Variants in SLIT2 observed in about 807,000 individuals in gnomAD.
SLIT2 encodes slit homolog 2 protein.
A neutral mutation model predicts 185.7 loss-of-function variants in SLIT2; 41 were observed. The observed-to-expected ratio is 0.22, with a 90% CI of 0.17 to 0.29. SLIT2 has a LOEUF of 0.29. SLIT2 is among the 10% of genes least tolerant of loss of function. The pLI is 1.00. For missense variants in SLIT2, 1,571 were observed against 1,909.0 expected, an observed-to-expected ratio of 0.82 and a Z score of 3.30; for synonymous variants, 693 against 680.2, an observed-to-expected ratio of 1.02 and a Z score of -0.29.
chr4:20,608,051 A>G, intron 33 of SLIT2, among the ~76,000 whole-genome samples: 1 of 152,268 alleles, frequency 6.6e-6, no homozygotes, highest in Admixed American at 6.5e-5. Context: ...TTACTAAAAA[A>G]GATTCAGAAA....
intron 18 of SLIT2, among the ~76,000 whole-genome samples, chr4:20,537,861 T>C (rs1019546429): frequency 1.3e-5 from 2 of 152,324 alleles, no homozygotes; most frequent in African/African-American, 4.8e-5. Flanking sequence ...CAGCCAGTCA[T>C]TGAATTCCTT....
chr4:20,518,553 A>ATATG (rs1225486678), intron 11 of SLIT2, among the ~76,000 whole-genome samples: 16 of 24,582 alleles, frequency 6.5e-4, no homozygotes, highest in African/African-American at 1.7e-3. Context: ...TGCCCAGCCT[A>ATATG]TATGTATATA....
intron 4 of SLIT2, among the ~76,000 whole-genome samples, chr4:20,465,579 A>G (rs1037236776): frequency 6.6e-6 from 1 of 152,170 alleles, no homozygotes; most frequent in African/African-American, 2.4e-5. Context: ...CCTTAAGAGA[A>G]TAAGGAGGCT....
chr4:20,268,151 T>C (rs1282100931), intron 3 of SLIT2, among the ~76,000 whole-genome samples: 1 of 151,916 alleles, frequency 6.6e-6, no homozygotes, highest in African/African-American at 2.4e-5. Flanking sequence ...TTCTAAAACA[T>C]TTAAAACATT....
In SLIT2 at chr4:20,491,817, A is replaced by G; in HGVS notation, c.832A>G (p.Thr278Ala). 1 of 1,613,952 alleles carries G rather than the reference A, an allele frequency of 6.2e-7. No individual in the cohort carries two copies. Among genetic ancestry groups the G allele is most frequent in the South Asian group, 1.1e-5 (1 of 91,060 alleles). Residue 278 changes from threonine to alanine, a missense_variant, in exon 9 of 37, where the codon ACC becomes GCC. Coordinates refer to ENST00000504154, the MANE Select transcript of SLIT2 (RefSeq NM_004787.4). Reference protein sequence around the residue: ...CSVLHCPAACTCSNNIVDCRG... With the variant: ...CSVLHCPAACACSNNIVDCRG... Reference sequence around the variant, plus strand: ...TGTTTTGCACTGCCCTGCCGCCTGTACCTGTAGCAACAATATCGTAGACTG... The same window carrying G: ...TGTTTTGCACTGCCCTGCCGCCTGTGCCTGTAGCAACAATATCGTAGACTG...
At chr4:20,513,550 A>G (rs1315550623) in intron 11 of SLIT2, among the ~76,000 whole-genome samples, 1 of 152,216 alleles carries the variant, frequency 6.6e-6, no homozygotes, top group Non-Finnish European at 1.5e-5. Context: ...ACTAGGCCCT[A>G]GTAGAGGGTC....
At chr4:20,440,206 T>TA (rs71653884) in intron 4 of SLIT2, among the ~76,000 whole-genome samples, 17 of 149,956 alleles carry the variant, frequency 1.1e-4, no homozygotes, top group East Asian at 1.9e-4. Context: ...TTAGGGGAAA[T>TA]AAAAAAAAAA....
At chr4:20,481,762 T>A (rs528761958) in intron 6 of SLIT2, among the ~76,000 whole-genome samples, 1 of 152,110 alleles carries the variant, frequency 6.6e-6, no homozygotes, top group East Asian at 1.9e-4. Context: ...ATCTTTCAGC[T>A]AAAATGGCTT....
chr4:20,379,815 C>T (rs924629033), intron 4 of SLIT2, among the ~76,000 whole-genome samples: 2 of 152,068 alleles, frequency 1.3e-5, no homozygotes, highest in Admixed American at 6.6e-5. Context: ...AGCTTACTAT[C>T]GGGAAGGAAT....
At chr4:20,495,236 T>C (rs1026994036) in intron 9 of SLIT2, among the ~76,000 whole-genome samples, 1 of 152,206 alleles carries the variant, frequency 6.6e-6, no homozygotes, top group Admixed American at 6.5e-5. Flanking sequence ...AAAAAGACAA[T>C]TGTTGCTCTG....
chr4:20,341,875 A>G (rs1373982052), intron 4 of SLIT2, among the ~76,000 whole-genome samples: 1 of 152,144 alleles, frequency 6.6e-6, no homozygotes, highest in Non-Finnish European at 1.5e-5. Context: ...CTGAATTTAG[A>G]TTCTGTTTCA....
intron 4 of SLIT2, among the ~76,000 whole-genome samples, chr4:20,280,670 C>A (rs1165875448): frequency 6.6e-6 from 1 of 151,846 alleles, no homozygotes; most frequent in Non-Finnish European, 1.5e-5. Context: ...CTACACAGGC[C>A]CTGGAATAAT....
At chr4:20,290,829 T>C (rs1715732971) in intron 4 of SLIT2, among the ~76,000 whole-genome samples, 1 of 152,128 alleles carries the variant, frequency 6.6e-6, no homozygotes. Flanking sequence ...TCTTATTTTT[T>C]TCTGTATCAT....
At chr4:20,507,511 G>A (rs1719322203) in intron 9 of SLIT2, among the ~76,000 whole-genome samples, 1 of 151,728 alleles carries the variant, frequency 6.6e-6, no homozygotes, top group Non-Finnish European at 1.5e-5. Flanking sequence ...TTACATTGGA[G>A]AAATTCATTT....
intron 22 of SLIT2, among the ~76,000 whole-genome samples, chr4:20,547,911 G>C (rs904538474): frequency 1.3e-5 from 2 of 151,986 alleles, no homozygotes; most frequent in Non-Finnish European, 2.9e-5. Context: ...AGGACCTACT[G>C]TGTGACCATG....
At chr4:20,585,404 C>A (rs559991367) in intron 29 of SLIT2, among the ~76,000 whole-genome samples, 55 of 152,230 alleles carry the variant, frequency 3.6e-4, no homozygotes, top group African/African-American at 1.3e-3. Context: ...ATCACAAATG[C>A]CAGGCAATGA....
chr4:20,461,505 T>C (rs116289426), intron 4 of SLIT2, among the ~76,000 whole-genome samples: 1,995 of 152,298 alleles, frequency 0.013, 35 homozygotes, highest in East Asian at 0.068. Context: ...TATCTGTAGT[T>C]TTCATGAGAA....
intron 4 of SLIT2, among the ~76,000 whole-genome samples, chr4:20,299,256 T>C (rs73234434): frequency 4.6e-5 from 7 of 152,336 alleles, no homozygotes; most frequent in Non-Finnish European, 7.3e-5. Flanking sequence ...ACTGTATTGC[T>C]TTATCAGTAA....
At chr4:20,262,231 G>A (rs1310498278) in intron 3 of SLIT2, among the ~76,000 whole-genome samples, 1 of 151,628 alleles carries the variant, frequency 6.6e-6, no homozygotes, top group African/African-American at 2.4e-5. Flanking sequence ...TTTTTTTAAG[G>A]TGATGCTGAA....
Sources: gnomAD v4.1 joint callset for allele counts (sites outside exome capture counted in the v4.1 genomes callset) on GRCh38, gnomAD v4.1.1 for gene constraint, MANE v1.5 for transcripts, NCBI Gene and HGNC (gene_info 2026-07-23, HGNC 2026-07-21) for gene names.